Variants in ZNF804B observed in about 807,000 individuals in gnomAD.
ZNF804B encodes zinc finger protein 804B, also known as zinc finger 804B.
ZNF804B carries 80 observed loss-of-function variants against 101.4 expected under a neutral mutation model. The observed-to-expected ratio is 0.79, with a 90% CI of 0.66 to 0.95. The LOEUF (loss-of-function observed/expected upper bound fraction) is 0.95. ZNF804B is among the 40% of genes least tolerant of loss of function. The probability of loss-of-function intolerance (pLI) is 0.00; values close to 1 mark genes in which losing one functional copy is unlikely to be tolerated. For missense variants in ZNF804B, 1,673 were observed against 1,561.9 expected (o/e 1.07, Z -1.20); for synonymous variants, 622 against 558.8 (o/e 1.11, Z -1.59).
At chr7:88,882,056 C>T (rs1476883137) in intron 1 of ZNF804B, among the ~76,000 whole-genome samples, 1 of 152,118 alleles carries the variant, frequency 6.6e-6, no homozygotes, top group Non-Finnish European at 1.5e-5. Flanking sequence ...TCTTTCACCC[C>T]ATTGCCTCTG....
intron 2 of ZNF804B, among the ~76,000 whole-genome samples, chr7:89,298,343 A>T (rs1244856407): frequency 6.9e-6 from 1 of 144,754 alleles, no homozygotes; most frequent in Non-Finnish European, 1.5e-5. Context: ...GCACCCATCA[A>T]CCCATCATCT....
intron 1 of ZNF804B, among the ~76,000 whole-genome samples, chr7:89,067,371 C>A (rs1232537024): frequency 6.6e-6 from 1 of 152,144 alleles, no homozygotes; most frequent in Non-Finnish European, 1.5e-5. Flanking sequence ...GGATAATCTC[C>A]TTCATTTAGT....
intron 1 of ZNF804B, among the ~76,000 whole-genome samples, chr7:89,156,019 C>CCTTTTTCTTT (rs71523704): frequency 8.2e-6 from 1 of 121,932 alleles, no homozygotes; most frequent in African/African-American, 3.1e-5. Context: ...TTCTCTCTTT[C>CCTTTTTCTTT]CTTTCTTTCT....
intron 2 of ZNF804B, among the ~76,000 whole-genome samples, chr7:89,254,765 C>T (rs1356397070): frequency 2.0e-5 from 3 of 151,854 alleles, no homozygotes; most frequent in Non-Finnish European, 2.9e-5. Flanking sequence ...CCTGCCTCAG[C>T]GTCCCCAGTA....
At chr7:89,219,473 T>G (rs185460654) in intron 2 of ZNF804B, among the ~76,000 whole-genome samples, 2 of 151,800 alleles carry the variant, frequency 1.3e-5, no homozygotes, top group Non-Finnish European at 2.9e-5. Flanking sequence ...ACTTGAAAGA[T>G]CATATGGGCA....
At chr7:88,919,004 C>T (rs1242007183) in intron 1 of ZNF804B, among the ~76,000 whole-genome samples, 2 of 151,994 alleles carry the variant, frequency 1.3e-5, no homozygotes, top group Non-Finnish European at 2.9e-5. Flanking sequence ...AATCAAGTTA[C>T]TTAATTTTTT....
At chr7:88,805,956 C>T (rs1790678713) in intron 1 of ZNF804B, among the ~76,000 whole-genome samples, 1 of 130,104 alleles carries the variant, frequency 7.7e-6, no homozygotes, top group South Asian at 2.6e-4. Flanking sequence ...TAGATAATAG[C>T]TTTGTGCTTT....
At chr7:88,983,017 A>T (rs1317022003) in intron 1 of ZNF804B, among the ~76,000 whole-genome samples, 1 of 152,082 alleles carries the variant, frequency 6.6e-6, no homozygotes, top group African/African-American at 2.4e-5. Context: ...TGGGACTAGC[A>T]GTTCTCATTC....
At chr7:88,898,391 T>A (rs1475459235) in intron 1 of ZNF804B, among the ~76,000 whole-genome samples, 1 of 152,008 alleles carries the variant, frequency 6.6e-6, no homozygotes, top group African/African-American at 2.4e-5. Flanking sequence ...CGGCCAGTTC[T>A]CCATTCTTAT....
At chr7:88,853,609 ACATT>A (rs1791477155) in intron 1 of ZNF804B, among the ~76,000 whole-genome samples, 1 of 152,176 alleles carries the variant, frequency 6.6e-6, no homozygotes, top group Non-Finnish European at 1.5e-5. Flanking sequence ...TAAATATGTG[ACATT>A]ATATCACATT....
chr7:88,825,620 G>T (rs570075007), intron 1 of ZNF804B, among the ~76,000 whole-genome samples: 1 of 152,142 alleles, frequency 6.6e-6, no homozygotes, highest in Non-Finnish European at 1.5e-5. Flanking sequence ...CTGTGTCCCT[G>T]GCTAATACAA....
intron 1 of ZNF804B, among the ~76,000 whole-genome samples, chr7:89,119,673 G>C (rs1790369130): frequency 6.6e-6 from 1 of 152,166 alleles, no homozygotes; most frequent in Admixed American, 6.5e-5. Context: ...TTCAAGTGAA[G>C]AGAATTCAAA....
intron 1 of ZNF804B, among the ~76,000 whole-genome samples, chr7:89,090,340 C>T (rs1161981050): frequency 6.6e-6 from 1 of 151,524 alleles, no homozygotes; most frequent in Non-Finnish European, 1.5e-5. Flanking sequence ...TTTTAAAATG[C>T]TAGAAAAAAA....
At chr7:89,176,586 TCTTTC>T (rs561494027) in intron 1 of ZNF804B, among the ~76,000 whole-genome samples, 8,287 of 118,178 alleles carry the variant, frequency 0.07, 518 homozygotes, top group Middle Eastern at 0.12. Context: ...TTTCTTTCTT[TCTTTC>T]TTTTTTTTTT....
intron 1 of ZNF804B, among the ~76,000 whole-genome samples, chr7:88,881,503 C>T (rs1377157793): frequency 6.6e-6 from 1 of 152,090 alleles, no homozygotes; most frequent in Non-Finnish European, 1.5e-5. Context: ...TCTTTGTGTT[C>T]TATTTTACTG....
intron 1 of ZNF804B, among the ~76,000 whole-genome samples, chr7:88,887,750 TAA>T (rs34976274): frequency 0.011 from 1,637 of 146,862 alleles, 20 homozygotes; most frequent in Middle Eastern, 0.025. Context: ...GAGTTCATTG[TAA>T]AAAAAAAAAA....
intron 1 of ZNF804B, among the ~76,000 whole-genome samples, chr7:89,208,910 G>T (rs1021112981): frequency 3.9e-5 from 6 of 152,064 alleles, no homozygotes; most frequent in African/African-American, 1.4e-4. Flanking sequence ...TATTCGGGAG[G>T]CTGAGGCAGG....
At chr7:88,813,322 G>C (rs887137893) in intron 1 of ZNF804B, among the ~76,000 whole-genome samples, 2 of 151,264 alleles carry the variant, frequency 1.3e-5, no homozygotes, top group African/African-American at 2.4e-5. Context: ...AGCTACTCCG[G>C]AGGCTGAGGC....
At chr7:89,287,412 A>G (rs1259587270) in intron 2 of ZNF804B, among the ~76,000 whole-genome samples, 3 of 152,176 alleles carry the variant, frequency 2.0e-5, no homozygotes, top group Admixed American at 6.5e-5. Flanking sequence ...ATGAATCTCA[A>G]ATTTTCTCAG....
Sources: gnomAD v4.1 joint callset for allele counts (sites outside exome capture counted in the v4.1 genomes callset) on GRCh38, gnomAD v4.1.1 for gene constraint, MANE v1.5 for transcripts, NCBI Gene and HGNC (gene_info 2026-07-23, HGNC 2026-07-21) for gene names.